The following BABAM2 variants were observed in gnomAD, a reference collection of about 807,000 sequenced individuals.
BABAM2 encodes the protein BRISC and BRCA1-A complex member 2.
BABAM2 carries 31 observed loss-of-function variants against 54.7 expected under a neutral mutation model. The ratio of observed to expected loss-of-function variants is 0.57; its 90% CI spans 0.43 to 0.77. BABAM2 has a LOEUF of 0.77. Among genes scored for constraint, BABAM2 ranks in the 30% least tolerant of loss-of-function variants. The probability of loss-of-function intolerance (pLI) is 0.00; values close to 1 mark genes in which losing one functional copy is unlikely to be tolerated. For missense variants in BABAM2, 364 were observed against 455.8 expected, an observed-to-expected ratio of 0.80 and a Z score of 1.83; for synonymous variants, 167 against 162.9, an observed-to-expected ratio of 1.03 and a Z score of -0.19.
chr2:28,211,204 C>T (rs1422294210), intron 7 of BABAM2, among the ~76,000 whole-genome samples: 1 of 152,114 alleles, frequency 6.6e-6, no homozygotes, highest in Admixed American at 6.6e-5. Flanking sequence ...AAACTCTAGA[C>T]TCCAAGAGAT....
At chr2:28,191,743 G>A (rs1317895674) in intron 7 of BABAM2, among the ~76,000 whole-genome samples, 1 of 152,196 alleles carries the variant, frequency 6.6e-6, no homozygotes, top group Admixed American at 6.5e-5. Context: ...AACAGTGGTT[G>A]CCTGGGGACA....
chr2:28,016,298 T>C lies in BABAM2; in HGVS notation c.301-8928T>C, dbSNP rs1362427522. On this transcript the variant is annotated intron_variant, in intron 4 of 11. Transcript: ENST00000379624. ...CTTCCAGTTCTCATTCATTTTTTCT[T>C]CACATTCAACCAAACTCTTGGAGCC... 8.0e-6 allele frequency: 8 copies of C among 999,972 alleles called. No individual in the cohort carries two copies. The East Asian group carries it at 2.0e-4, about 25-fold the overall frequency. 61.9% of individuals were successfully genotyped at this position (999,972 alleles called of 1,614,324 possible).
intron 2 of BABAM2, among the ~76,000 whole-genome samples, chr2:27,901,249 C>G (rs1057245898): frequency 2.0e-5 from 3 of 152,044 alleles, no homozygotes; most frequent in African/African-American, 4.8e-5. Context: ...CATATTTTGT[C>G]ATTTTTAGTG....
intron 7 of BABAM2, among the ~76,000 whole-genome samples, chr2:28,221,353 G>A (rs920614004): frequency 6.6e-6 from 1 of 152,172 alleles, no homozygotes; most frequent in East Asian, 1.9e-4. Flanking sequence ...GAAAGTGCAG[G>A]GGGGAAACAT....
At chr2:27,903,728 C>T (rs995554921) in intron 2 of BABAM2, among the ~76,000 whole-genome samples, 1 of 152,194 alleles carries the variant, frequency 6.6e-6, no homozygotes, top group Non-Finnish European at 1.5e-5. Flanking sequence ...GAGCACGTAG[C>T]ATACGCTGTA....
At chr2:28,137,865 A>T (rs997208313) in intron 7 of BABAM2, among the ~76,000 whole-genome samples, 4 of 152,108 alleles carry the variant, frequency 2.6e-5, no homozygotes, top group African/African-American at 9.7e-5. Context: ...TCTATGCCTT[A>T]TTTCTCTTAA....
At chr2:27,910,188 A>G (rs1467764698) in intron 2 of BABAM2, among the ~76,000 whole-genome samples, 1 of 152,236 alleles carries the variant, frequency 6.6e-6, no homozygotes, top group African/African-American at 2.4e-5. Context: ...ATTATCTGGC[A>G]TAACAGCTGT....
At chr2:28,278,627 G>C (rs1686072253) in intron 10 of BABAM2, among the ~76,000 whole-genome samples, 1 of 152,202 alleles carries the variant, frequency 6.6e-6, no homozygotes, top group South Asian at 2.1e-4. Flanking sequence ...CCAAAATTGT[G>C]AGACTAAAGT....
At chr2:28,099,098 C>T (rs1304384769) in intron 6 of BABAM2, among the ~76,000 whole-genome samples, 1 of 152,110 alleles carries the variant, frequency 6.6e-6, no homozygotes, top group East Asian at 1.9e-4. Flanking sequence ...AGTATTCATT[C>T]CATCCTTGTG....
chr2:28,125,585 G>A (rs1036241485), intron 6 of BABAM2, among the ~76,000 whole-genome samples: 5 of 152,122 alleles, frequency 3.3e-5, no homozygotes, highest in African/African-American at 9.7e-5. Flanking sequence ...GAGCCACCGC[G>A]CCCGGCCTGT....
chr2:28,050,107 T>C (rs1187985398), intron 6 of BABAM2, among the ~76,000 whole-genome samples: 1 of 152,164 alleles, frequency 6.6e-6, no homozygotes, highest in East Asian at 1.9e-4. Context: ...AGCTACAGAG[T>C]TGTTTTCCAT....
intron 11 of BABAM2, among the ~76,000 whole-genome samples, chr2:28,307,101 G>A (rs910273071): frequency 1.4e-5 from 2 of 145,932 alleles, no homozygotes; most frequent in African/African-American, 5.1e-5. Flanking sequence ...CTGCCTCCCG[G>A]GTTCAAGTGA....
At chr2:28,199,700 C>G (rs3947564) in intron 7 of BABAM2, among the ~76,000 whole-genome samples, 147,784 of 152,272 alleles carry the variant, frequency 0.97, 71,881 homozygotes, top group Middle Eastern at 1. Flanking sequence ...AAACGAACTT[C>G]TGTGGTGGTC....
chr2:28,010,762 C>G (rs2148531115), intron 4 of BABAM2, among the ~76,000 whole-genome samples: 1 of 152,090 alleles, frequency 6.6e-6, no homozygotes, highest in Non-Finnish European at 1.5e-5. Context: ...TATTTAAGGA[C>G]CTGGTTTCTT....
At chr2:28,226,419 A>AT (rs1258966419) in intron 7 of BABAM2, among the ~76,000 whole-genome samples, 1 of 152,152 alleles carries the variant, frequency 6.6e-6, no homozygotes, top group African/African-American at 2.4e-5. Context: ...TACTACAAAT[A>AT]TTTTTTAAGT....
intron 10 of BABAM2, among the ~76,000 whole-genome samples, chr2:28,245,996 G>A (rs893326250): frequency 1.3e-5 from 2 of 152,188 alleles, no homozygotes; most frequent in Non-Finnish European, 2.9e-5. Context: ...AGAAGAAAAC[G>A]TCTAAGTAAA....
intron 4 of BABAM2, among the ~76,000 whole-genome samples, chr2:27,992,930 G>A (rs2148495477): frequency 6.6e-6 from 1 of 152,196 alleles, no homozygotes; most frequent in African/African-American, 2.4e-5. Context: ...CTCCTTTCTT[G>A]AAGTGTCATT....
intron 3 of BABAM2, among the ~76,000 whole-genome samples, chr2:27,940,092 ACTC>A (rs1241648199): frequency 6.6e-6 from 1 of 152,020 alleles, no homozygotes; most frequent in Non-Finnish European, 1.5e-5. Flanking sequence ...AGAAGACACA[ACTC>A]CTCCTGCAAC....
intron 7 of BABAM2, among the ~76,000 whole-genome samples, chr2:28,177,249 T>G (rs976098306): frequency 6.6e-6 from 1 of 151,286 alleles, no homozygotes; most frequent in African/African-American, 2.4e-5. Flanking sequence ...AAATGGCCTA[T>G]TCGAAGTACT....
Sources: gnomAD v4.1 joint callset for allele counts (sites outside exome capture counted in the v4.1 genomes callset) on GRCh38, gnomAD v4.1.1 for gene constraint, MANE v1.5 for transcripts, NCBI Gene and HGNC (gene_info 2026-07-23, HGNC 2026-07-21) for gene names.